MSRA: variants seen among roughly 807,000 people sequenced by gnomAD.
MSRA encodes the protein mitochondrial peptide methionine sulfoxide reductase.
A neutral mutation model predicts 31.3 loss-of-function variants in MSRA; 54 were observed. The ratio of observed to expected loss-of-function variants is 1.73; its 90% CI spans 1.39 to 2.17. The LOEUF is 2.17. Ranked by LOEUF, MSRA falls within the 30% of genes most tolerant of loss-of-function variation. The probability of loss-of-function intolerance (pLI) is 0.00; values close to 1 mark genes in which losing one functional copy is unlikely to be tolerated. For missense variants in MSRA, 507 were observed against 300.9 expected, an observed-to-expected ratio of 1.69 and a Z score of -5.07; for synonymous variants, 169 against 116.5, an observed-to-expected ratio of 1.45 and a Z score of -2.90.
chr8:10,296,905 C>T (rs912308875), intron 3 of MSRA, among the ~76,000 whole-genome samples: 6 of 152,188 alleles, frequency 3.9e-5, no homozygotes, highest in East Asian at 1.9e-4. Context: ...CACAGCTCAC[C>T]GGCTCTCTCT....
At chr8:10,413,727 G>A (rs1351047258) in intron 5 of MSRA, among the ~76,000 whole-genome samples, 1 of 150,518 alleles carries the variant, frequency 6.6e-6, no homozygotes, top group Non-Finnish European at 1.5e-5. Context: ...ATCGCCAGAA[G>A]GGCTGAGTTG....
chr8:10,254,649 G>T (rs1798085692), intron 3 of MSRA, among the ~76,000 whole-genome samples: 1 of 152,184 alleles, frequency 6.6e-6, no homozygotes, highest in Non-Finnish European at 1.5e-5. Context: ...TGCACAGTTA[G>T]TCAGTGTGCC....
In MSRA at chr8:10,337,736, A is replaced by G. The variant is rs1363999875; in HGVS notation, c.543+17747A>G. ...GGTGCTTCCCTGTTCTTCCTCAGCC[A>G]TGCTGGGGCTCACTGCAGCCTCCTC... is the stretch of plus-strand genomic sequence containing the variant. On this transcript the variant is annotated intron_variant, in intron 5 of 5. Coordinates refer to ENST00000317173, the MANE Select transcript of MSRA (RefSeq NM_012331.5). 7.1e-6 allele frequency: 5 copies of G among 702,644 alleles called. No individual in the cohort carries two copies. The East Asian group carries it at 8.0e-5, about 11-fold the overall frequency. 43.5% of individuals were successfully genotyped at this position (702,644 alleles called of 1,614,324 possible).
chr8:10,349,537 G>A (rs756130705), intron 5 of MSRA, among the ~76,000 whole-genome samples: 2 of 152,056 alleles, frequency 1.3e-5, no homozygotes, highest in East Asian at 3.9e-4. Context: ...ATTTGCTAAC[G>A]TGCACTCATG....
chr8:10,093,751 G>A (rs1287107391), intron 1 of MSRA, among the ~76,000 whole-genome samples: 2 of 152,154 alleles, frequency 1.3e-5, no homozygotes, highest in Non-Finnish European at 2.9e-5. Flanking sequence ...ACTGTCTAGT[G>A]TCTTTTCATT....
chr8:10,091,664 T>C (rs1452753479), intron 1 of MSRA, among the ~76,000 whole-genome samples: 3 of 149,400 alleles, frequency 2.0e-5, no homozygotes, highest in Admixed American at 1.3e-4. Flanking sequence ...TGGAGTGCAA[T>C]GGTGCGATCT....
intron 5 of MSRA, among the ~76,000 whole-genome samples, chr8:10,387,909 C>T (rs1806492630): frequency 6.6e-6 from 1 of 152,152 alleles, no homozygotes; most frequent in Non-Finnish European, 1.5e-5. Context: ...TAGGGCCTTC[C>T]AATTTCCTGT....
At chr8:10,422,433 G>T (rs1215028925) in intron 5 of MSRA, among the ~76,000 whole-genome samples, 2 of 152,196 alleles carry the variant, frequency 1.3e-5, no homozygotes, top group East Asian at 3.9e-4. Flanking sequence ...GAAGGCACAG[G>T]AGGCTTCCTG....
chr8:10,189,725 C>T (rs982380568), intron 1 of MSRA, among the ~76,000 whole-genome samples: 2 of 151,996 alleles, frequency 1.3e-5, no homozygotes, highest in African/African-American at 4.8e-5. Flanking sequence ...TTATATATTC[C>T]TGAATTCAGT....
chr8:10,237,811 T>G (rs565523006), intron 2 of MSRA, among the ~76,000 whole-genome samples: 2 of 152,318 alleles, frequency 1.3e-5, no homozygotes, highest in South Asian at 4.1e-4. Context: ...CAGATTCTAA[T>G]CATGACCCAT....
intron 1 of MSRA, among the ~76,000 whole-genome samples, chr8:10,089,237 C>T (rs1226553048): frequency 6.6e-6 from 1 of 152,166 alleles, no homozygotes; most frequent in African/African-American, 2.4e-5. Context: ...CATCCCGTAT[C>T]ATCACGTTGT....
rs189322421 is a variant in MSRA at position 10,196,204 on chromosome 8, A to T, written c.143-11629A>T. Reference sequence around the variant, plus strand: ...GCTGACATGTTCACAAGGAAGAGAGATGTGCTGTATACTGTGGAGCTTCTC... The same window carrying T: ...GCTGACATGTTCACAAGGAAGAGAGTTGTGCTGTATACTGTGGAGCTTCTC... On this transcript the variant is annotated intron_variant, in intron 1 of 5. Transcript: ENST00000317173. Among the ~76,000 whole-genome samples, 16 of 152,294 alleles carry T rather than the reference A, an allele frequency of 1.1e-4. No individual in the cohort carries two copies. In the East Asian group the frequency reaches 2.3e-3, roughly 22 times the overall value.
intron 3 of MSRA, among the ~76,000 whole-genome samples, chr8:10,261,261 T>C (rs1360493994): frequency 6.6e-6 from 1 of 152,154 alleles, no homozygotes; most frequent in Non-Finnish European, 1.5e-5. Context: ...TACATTTGTG[T>C]TAATTCTTTT....
In MSRA at chr8:10,348,593, C is replaced by A. The variant is rs576217274; in HGVS notation, c.543+28604C>A. On this transcript the variant is annotated intron_variant, in intron 5 of 5. Transcript: ENST00000317173. ...CCGTGTTGGCCAGGATGGTCTTGAT[C>A]TCTTGACCTCGTGATCCGCCTGCCT... 4.6e-5 allele frequency among the ~76,000 whole-genome samples: 7 copies of A among 152,178 alleles called. No individual in the cohort carries two copies. The East Asian group carries it at 1.4e-3, about 29-fold the overall frequency.
Position 10,116,707 on chromosome 8 carries a change from C to G in MSRA, c.142+62049C>G, listed in dbSNP as rs544930398. 2.8e-4 allele frequency among the ~76,000 whole-genome samples: 43 copies of G among 152,158 alleles called. 1 individual carries two copies. Among genetic ancestry groups the G allele is most frequent in the Non-Finnish European group, 4.9e-4 (33 of 68,004 alleles). On this transcript the variant is annotated intron_variant, in intron 1 of 5. Coordinates refer to ENST00000317173, the MANE Select transcript of MSRA (RefSeq NM_012331.5). ...GGAGTTTTGAGATTACAGGCTCATG[C>G]CTGTAATCTCAGCACTTTGGGAGGC... is the stretch of plus-strand genomic sequence containing the variant.
At chr8:10,274,948 T>G (rs1222270398) in intron 3 of MSRA, among the ~76,000 whole-genome samples, 1 of 152,234 alleles carries the variant, frequency 6.6e-6, no homozygotes, top group Non-Finnish European at 1.5e-5. Context: ...TCAGTAAAGT[T>G]ATTTCACTCA....
intron 5 of MSRA, among the ~76,000 whole-genome samples, chr8:10,357,630 C>T (rs1168961989): frequency 6.6e-6 from 1 of 152,172 alleles, no homozygotes; most frequent in Non-Finnish European, 1.5e-5. Context: ...CTATTTCCTG[C>T]CCCAGACCTG....
intron 1 of MSRA, among the ~76,000 whole-genome samples, chr8:10,080,815 A>G (rs530957622): frequency 6.6e-6 from 1 of 151,772 alleles, no homozygotes; most frequent in Non-Finnish European, 1.5e-5. Context: ...CTGGGATTAT[A>G]GGTGTGAGCC....
intron 2 of MSRA, among the ~76,000 whole-genome samples, chr8:10,213,975 G>A (rs1341236734): frequency 6.6e-6 from 1 of 152,138 alleles, no homozygotes; most frequent in East Asian, 1.9e-4. Flanking sequence ...AGCAGCAACA[G>A]CAGAAGTACC....
Sources: allele counts gnomAD v4.1 joint callset (sites outside exome capture counted in the v4.1 genomes callset), GRCh38; gene constraint gnomAD v4.1.1; transcripts MANE v1.5; gene names NCBI Gene and HGNC (gene_info 2026-07-23, HGNC 2026-07-21).